Variants in EFCAB5 observed in about 807,000 individuals in gnomAD.
The protein encoded by EFCAB5 is EF-hand calcium binding domain 5.
A neutral mutation model predicts 167.9 loss-of-function variants in EFCAB5; 131 were observed. The ratio of observed to expected loss-of-function variants is 0.78; its 90% CI spans 0.68 to 0.90. The LOEUF is 0.90. Ranked by LOEUF, EFCAB5 falls within the 40% of genes least tolerant of loss-of-function variation. The pLI is 0.00. For synonymous variants in EFCAB5, 574 were observed against 602.8 expected, an observed-to-expected ratio of 0.95 and a Z score of 0.70; for missense variants, 1,663 against 1,745.2, an observed-to-expected ratio of 0.95 and a Z score of 0.84.
intron 14 of EFCAB5, among the ~76,000 whole-genome samples, chr17:30,075,175 T>C (rs1324381707): frequency 5.3e-5 from 8 of 152,148 alleles, no homozygotes; most frequent in Non-Finnish European, 1.2e-4. Flanking sequence ...AATGAATCCA[T>C]TAGTTCTATA....
intron 7 of EFCAB5, among the ~76,000 whole-genome samples, chr17:30,015,996 C>G (rs1209767727): frequency 6.6e-6 from 1 of 152,012 alleles, no homozygotes; most frequent in East Asian, 1.9e-4. Context: ...CCAGGCTGGT[C>G]TCAAACTCCC....
chr17:30,069,918 T>G (rs2070687520), intron 14 of EFCAB5, among the ~76,000 whole-genome samples: 1 of 152,138 alleles, frequency 6.6e-6, no homozygotes, highest in African/African-American at 2.4e-5. Context: ...ACAAACTGAA[T>G]GCTGGAGCTG....
chr17:30,071,111 G>A (rs1221639967), intron 14 of EFCAB5, among the ~76,000 whole-genome samples: 3 of 150,746 alleles, frequency 2.0e-5, no homozygotes, highest in Non-Finnish European at 4.4e-5. Flanking sequence ...AAAAGCACAG[G>A]CAACAAAAGC....
chr17:30,064,698 T>C (rs570667400), intron 14 of EFCAB5, among the ~76,000 whole-genome samples: 8 of 152,128 alleles, frequency 5.3e-5, no homozygotes, highest in African/African-American at 1.2e-4. Context: ...CAGCCTAAAA[T>C]TCCTCTCCAA....
intron 4 of EFCAB5, among the ~76,000 whole-genome samples, chr17:29,987,220 G>A (rs544136047): frequency 2.4e-4 from 36 of 152,222 alleles, no homozygotes; most frequent in Admixed American, 5.2e-4. Context: ...TCCCCAGGTA[G>A]GTGGCTGTGT....
At chr17:30,000,581 T>G (rs939356734) in intron 7 of EFCAB5, among the ~76,000 whole-genome samples, 21 of 152,210 alleles carry the variant, frequency 1.4e-4, no homozygotes, top group Non-Finnish European at 2.5e-4. Context: ...TTCATGTTTC[T>G]CCATTTCCCC....
At chr17:30,069,735 A>G (rs1430857376) in intron 14 of EFCAB5, 3 of 832,686 alleles carry the variant, frequency 3.6e-6, no homozygotes, top group Non-Finnish European at 3.8e-6. Flanking sequence ...GTGCTGGAGC[A>G]TGGTATGACC....
intron 18 of EFCAB5, among the ~76,000 whole-genome samples, chr17:30,085,564 CAAA>C (rs1267342512): frequency 6.6e-6 from 1 of 151,662 alleles, no homozygotes; most frequent in Non-Finnish European, 1.5e-5. Flanking sequence ...ACTAAAAATA[CAAA>C]AAAATTAGCC....
chr17:30,040,263 C>T (rs928287723), intron 8 of EFCAB5, among the ~76,000 whole-genome samples: 1 of 152,232 alleles, frequency 6.6e-6, no homozygotes, highest in Non-Finnish European at 1.5e-5. Context: ...CCTCCATCTT[C>T]CAAAACCAAT....
intron 17 of EFCAB5, among the ~76,000 whole-genome samples, chr17:30,082,022 C>A (rs2070996877): frequency 6.6e-6 from 1 of 152,260 alleles, no homozygotes; most frequent in Non-Finnish European, 1.5e-5. Flanking sequence ...AGTTTCCTGA[C>A]AACAGGCCCA....
At chr17:29,994,148 A>G (rs1404430604) in intron 5 of EFCAB5, among the ~76,000 whole-genome samples, 1 of 119,880 alleles carries the variant, frequency 8.3e-6, no homozygotes, top group East Asian at 3.0e-4. Flanking sequence ...ATATATATAT[A>G]TATATATATA....
At position 29,962,201 on chromosome 17, in the gene EFCAB5, A is replaced by G. The variant is rs570392980; in HGVS notation, c.191-6590A>G. 2.0e-5 allele frequency among the ~76,000 whole-genome samples: 3 copies of G among 152,248 alleles called. No individual in the cohort carries two copies. The South Asian group carries it at 6.2e-4, about 32-fold the overall frequency. On this transcript the variant is annotated intron_variant, in intron 3 of 22. Transcript: ENST00000394835. ...TCTGCAGTTTCATATTAATCTGAGG[A>G]TCACTTTTTCTATTTCTGTGAAAAA...
In EFCAB5 at chr17:29,931,016, A is replaced by C. The variant is rs138365816; in HGVS notation, c.-127+1687A>C. Among the ~76,000 whole-genome samples, 332 of 152,342 alleles carry C rather than the reference A, an allele frequency of 2.2e-3. 5 individuals are homozygous for C. Among genetic ancestry groups the C allele is most frequent in the African/African-American group, 7.4e-3 (307 of 41,566 alleles). On this transcript the variant is annotated intron_variant, in intron 1 of 3. Coordinates refer to the EFCAB5 transcript ENST00000448319. ...CATTCTTTCATAGACCTATGTAAAA[A>C]TGTAGATTAAAAGATATTTTAAGGG...
At chr17:30,092,271 A>G in intron 21 of EFCAB5, 114 bp downstream of exon 21, 1 of 1,111,828 alleles carries the variant, frequency 9.0e-7, no homozygotes, top group East Asian at 2.5e-5. Flanking sequence ...ATTTTTACTG[A>G]GTGGAACACG....
chr17:30,040,570 T>C (rs1230701409), intron 8 of EFCAB5, among the ~76,000 whole-genome samples: 4 of 152,208 alleles, frequency 2.6e-5, no homozygotes, highest in African/African-American at 7.2e-5. Context: ...GTAAGTATAC[T>C]CCTTAGGTGC....
At chr17:29,975,517 A>G (rs1364133428) in intron 4 of EFCAB5, among the ~76,000 whole-genome samples, 1 of 152,148 alleles carries the variant, frequency 6.6e-6, no homozygotes, top group African/African-American at 2.4e-5. Context: ...TCGGCCTCCC[A>G]AAGTGCTGGA....
At chr17:29,970,017 T>C (rs1391476722) in intron 4 of EFCAB5, among the ~76,000 whole-genome samples, 1 of 152,230 alleles carries the variant, frequency 6.6e-6, no homozygotes, top group African/African-American at 2.4e-5. Context: ...TTTGAGGCAC[T>C]GTTACATTTC....
chr17:30,018,656 C>A (rs2069104611), intron 7 of EFCAB5, among the ~76,000 whole-genome samples: 1 of 152,052 alleles, frequency 6.6e-6, no homozygotes, highest in South Asian at 2.1e-4. Context: ...TCAATAATTC[C>A]ATTTTATGAT....
intron 22 of EFCAB5, among the ~76,000 whole-genome samples, 164 bp from the exon 23 acceptor site, chr17:30,107,670 C>G (rs2071466419): frequency 6.6e-6 from 1 of 151,922 alleles, no homozygotes; most frequent in Non-Finnish European, 1.5e-5. Context: ...ATGACTATAC[C>G]AAAATTTATC....
Sources: gnomAD v4.1 joint callset for allele counts (sites outside exome capture counted in the v4.1 genomes callset) on GRCh38, gnomAD v4.1.1 for gene constraint, MANE v1.5 for transcripts, NCBI Gene and HGNC (gene_info 2026-07-23, HGNC 2026-07-21) for gene names.